Variants in ZNF408 observed in about 807,000 individuals in gnomAD.
ZNF408 encodes the protein PR domain zinc finger protein 17.
ZNF408 carries 24 observed loss-of-function variants against 27.6 expected under a neutral mutation model. The ratio of observed to expected loss-of-function variants is 0.87; its 90% CI spans 0.63 to 1.22. The LOEUF (loss-of-function observed/expected upper bound fraction) is 1.22, where lower values mean the gene tolerates loss of function less well. Among genes scored for constraint, ZNF408 ranks in the 50% most tolerant of loss-of-function variants. The probability of loss-of-function intolerance (pLI) is 0.00; values close to 1 mark genes in which losing one functional copy is unlikely to be tolerated. For missense variants in ZNF408, 897 were observed against 949.0 expected (o/e 0.95, Z 0.72); for synonymous variants, 410 against 396.1 (o/e 1.04, Z -0.42).
chr11:46,702,928 G>A, intron 3 of ZNF408, 56 bp from the exon 4 acceptor site: 4 of 1,604,294 alleles, frequency 2.5e-6, no homozygotes, highest in Non-Finnish European at 3.4e-6. Context: ...GGGGCTTTCG[G>A]GGAAGACCAC....
rs780281615 is a variant in ZNF408, at chr11:46,705,795, G to C, written c.2095G>C (p.Val699Leu). ...GGAGCCAGATGCCGCCCCCAGCCTG[G>C]TGCTAATCCATAAGGACATGGGCCT... ...PEEPDAAPSLVLIHKDMGLGA... is the reference protein window; with the variant it reads ...PEEPDAAPSLLLIHKDMGLGA... Residue 699 changes from valine to leucine, a missense_variant, in exon 5 of 5, where the codon GTG becomes CTG. Coordinates refer to ENST00000311764, the MANE Select transcript of ZNF408 (RefSeq NM_024741.3). The surrounding 1 kb of genome is among the most constrained non-coding windows in gnomAD (Gnocchi z 6.5). The C allele has an allele frequency of 1.9e-6, 3 of 1,611,928 alleles. No homozygotes were observed. Among genetic ancestry groups the C allele is most frequent in the East Asian group, 2.2e-5 (1 of 44,844 alleles).
rs1431842973 is a variant in ZNF408, at chr11:46,705,146, C to T, written c.1446C>T (p.Ser482=). 6.2e-7 allele frequency: 1 copy of T among 1,611,446 alleles called. No homozygotes were observed. Among genetic ancestry groups the T allele is most frequent in the Admixed American group, 1.7e-5 (1 of 60,032 alleles). ...VCGRPLANQG[S]LRNHMRLHTG... ...GGCGGCCCCTGGCCAACCAGGGCTCCCTGCGGAACCATATGAGGCTCCATA... is the reference window on the plus strand; with the variant it reads ...GGCGGCCCCTGGCCAACCAGGGCTCTCTGCGGAACCATATGAGGCTCCATA... Residue 482 remains serine (S), a synonymous_variant, in exon 5 of 5, where the codon TCC becomes TCT. Transcript: ENST00000311764. The surrounding 1 kb of genome is among the most constrained non-coding windows in gnomAD (Gnocchi z 6.5).
In ZNF408 at chr11:46,703,035, G is replaced by T. The variant is rs765372881; in HGVS notation, c.444G>T (p.Arg148=). ...GTGAGGGAAATGTGGCCCCAGTGCGGATCAGCGAGAGGCTTCATCTGCAAG... is the reference window on the plus strand; with the variant it reads ...GTGAGGGAAATGTGGCCCCAGTGCGTATCAGCGAGAGGCTTCATCTGCAAG... The part of the protein sequence containing the change: ...LESEGNVAPV[R]ISERLHLQVY... The change falls in exon 4 of 5, where the codon CGG becomes CGT. Residue 148 remains arginine, a synonymous_variant. Transcript: ENST00000311764. 1.2e-6 allele frequency: 2 copies of T among 1,613,996 alleles called. No homozygotes were observed. Among genetic ancestry groups the T allele is most frequent in the Non-Finnish European group, 1.7e-6 (2 of 1,179,884 alleles).
chr11:46,703,894 T>C (rs532432350), intron 4 of ZNF408, among the ~76,000 whole-genome samples: 1 of 150,750 alleles, frequency 6.6e-6, no homozygotes, highest in East Asian at 2.0e-4. Context: ...CAGCCTCAGC[T>C]AATTTTTTTG....
Position 46,702,863 on chromosome 11 carries a change from G to T in ZNF408, c.392+98G>T, listed in dbSNP as rs538795855. 23 of 1,597,622 alleles carry T rather than the reference G, an allele frequency of 1.4e-5. No individual in the cohort carries two copies. The East Asian group carries it at 5.2e-4, about 36-fold the overall frequency. On this transcript the variant is annotated intron_variant, in intron 3 of 4. Transcript: ENST00000311764. ...GTCATTTCCTATTCAGTGCTCTTTT[G>T]CAGTGAATGTTCCAAAGGCACGGCG...
At chr11:46,702,910 TG>T in intron 3 of ZNF408, 73 bp from the exon 4 acceptor site, 6 of 1,599,840 alleles carry the variant, frequency 3.8e-6, no homozygotes, top group Non-Finnish European at 5.1e-6. Flanking sequence ...CCAGACTGCT[TG>T]GGGACTGGGG....
intron 3 of ZNF408, 92 bp from the exon 4 acceptor site, chr11:46,702,892 T>A: frequency 6.3e-7 from 1 of 1,597,018 alleles, no homozygotes; most frequent in South Asian, 1.1e-5. Context: ...CACGGCGTCC[T>A]TTAGGACCCA....
At chr11:46,703,321 T>G in intron 4 of ZNF408, 78 bp downstream of exon 4, 1 of 1,502,076 alleles carries the variant, frequency 6.7e-7, no homozygotes, top group Non-Finnish European at 8.9e-7. Flanking sequence ...GCAGAGTTTA[T>G]GGCTCATTGC....
intron 4 of ZNF408, among the ~76,000 whole-genome samples, chr11:46,704,113 T>C (rs2064732010): frequency 6.6e-6 from 1 of 152,042 alleles, no homozygotes. Context: ...GGCCTTATTC[T>C]AGTGATTATC....
chr11:46,705,678 GACAC>G lies in ZNF408; in HGVS notation c.1984_1987del (p.His662GlufsTer38). 2 of 1,613,866 alleles carry G rather than the reference GACAC, an allele frequency of 1.2e-6. No homozygotes were observed. The highest frequency in any genetic ancestry group is 1.7e-6 in the Non-Finnish European group (2 of 1,179,986). The stretch of plus-strand genomic sequence containing the variant: ...CCTGCAGGCTGAGCCACAACTGCTG[GACAC>G]ACACAGAGAGGAGGAAGTCTCCCCC... On this transcript the variant is annotated frameshift_variant, in exon 5 of 5. Transcript: ENST00000311764. LOFTEE classifies it low-confidence loss of function (END_TRUNC). The surrounding 1 kb of genome is among the most constrained non-coding windows in gnomAD (Gnocchi z 6.5).
chr11:46,701,312 C>T (rs1287513324), intron 1 of ZNF408, 87 bp from the exon 2 acceptor site: 3 of 1,579,104 alleles, frequency 1.9e-6, no homozygotes, highest in African/African-American at 1.4e-5. Context: ...TCCGCAGGCC[C>T]ACCTGGACCT....
At position 46,705,608 on chromosome 11, in the gene ZNF408, C is replaced by T. The variant is rs767649147; in HGVS notation, c.1908C>T (p.Ser636=). ...QLSHRPEAPC[S]PPSVPSAASE... ...GTCACCGGCCTGAGGCACCCTGCAG[C>T]CCACCCTCTGTGCCTTCTGCTGCTT... Residue 636 remains serine (S), a synonymous_variant, in exon 5 of 5, where the codon AGC becomes AGT. Transcript: ENST00000311764. The surrounding 1 kb of genome is among the most constrained non-coding windows in gnomAD (Gnocchi z 6.5). 9 of 1,611,230 alleles carry T rather than the reference C, an allele frequency of 5.6e-6. No individual in the cohort carries two copies. The highest frequency in any genetic ancestry group is 6.8e-6 in the Non-Finnish European group (8 of 1,180,024).
In ZNF408 at chr11:46,705,119, T is replaced by C; in HGVS notation, c.1419T>C (p.Cys473=). ...AAPAPCPCPV[C]GRPLANQGSL... Reference sequence around the variant, plus strand: ...CTGCCCCTTGCCCATGCCCTGTGTGTGGGCGGCCCCTGGCCAACCAGGGCT... The same window carrying C: ...CTGCCCCTTGCCCATGCCCTGTGTGCGGGCGGCCCCTGGCCAACCAGGGCT... Residue 473 remains cysteine, a synonymous_variant, in exon 5 of 5, where the codon TGT becomes TGC. Coordinates refer to ENST00000311764, the MANE Select transcript of ZNF408 (RefSeq NM_024741.3). The surrounding 1 kb of genome is among the most constrained non-coding windows in gnomAD (Gnocchi z 6.5). 6.2e-7 allele frequency: 1 copy of C among 1,611,800 alleles called. No individual in the cohort carries two copies. Among genetic ancestry groups the C allele is most frequent in the Non-Finnish European group, 8.5e-7 (1 of 1,179,926 alleles).
At position 46,705,035 on chromosome 11, in the gene ZNF408, C is replaced by T. The variant is rs762021380; in HGVS notation, c.1335C>T (p.Ala445=). 3 of 1,613,094 alleles carry T rather than the reference C, an allele frequency of 1.9e-6. No individual in the cohort carries two copies. Among genetic ancestry groups the T allele is most frequent in the African/African-American group, 1.3e-5 (1 of 74,938 alleles). The change falls in exon 5 of 5, where the codon GCC becomes GCT. Residue 445 remains alanine (A), a synonymous_variant. Coordinates refer to ENST00000311764, the MANE Select transcript of ZNF408 (RefSeq NM_024741.3). This position sits in a 1 kb window ranked among gnomAD's most constrained non-coding sequence, Gnocchi z 6.5. ...RPFACDQCGK[A]FARRPSLRLH... ...TTGCTTGTGACCAGTGTGGCAAGGC[C>T]TTTGCCCGCCGGCCCTCCCTGCGGC...
At chr11:46,702,195 A>G (rs2064714247) in intron 2 of ZNF408, among the ~76,000 whole-genome samples, 1 of 152,172 alleles carries the variant, frequency 6.6e-6, no homozygotes, top group Non-Finnish European at 1.5e-5. Flanking sequence ...CCCAGGTTCA[A>G]GTGATTCTCA....
rs1445762496 is a variant in ZNF408, at chr11:46,704,809, A to G, written c.1109A>G (p.Lys370Arg). 6.3e-7 allele frequency: 1 copy of G among 1,599,868 alleles called. No individual in the cohort carries two copies. The highest frequency in any genetic ancestry group is 1.3e-5 in the African/African-American group (1 of 74,694). ...TTCCTACAGCTGTGCCACCTAAAGA[A>G]GCACGCATTTGTGCACACGGGCCAC... ...KAFLQLCHLK[K>R]HAFVHTGHKP... The change falls in exon 5 of 5, where the codon AAG becomes AGG. Residue 370 changes from lysine to arginine, a missense_variant. Transcript: ENST00000311764.
chr11:46,704,279 T>G lies in ZNF408; in HGVS notation c.653-74T>G, dbSNP rs879202643. ...CAGGGGCTGGGTGGGAGAAAACATC[T>G]GATCCTGTAATTCCCTGGTAACACC... On this transcript the variant is annotated intron_variant, in intron 4 of 4. Transcript: ENST00000311764. The G allele has an allele frequency of 2.7e-6, 4 of 1,481,362 alleles. No homozygotes were observed. The South Asian group carries it at 5.4e-5, about 20-fold the overall frequency. The allele number at this position is 1,481,362 out of a possible 1,614,324, so 91.8% of individuals were successfully genotyped here.
In ZNF408 at chr11:46,701,099, G is replaced by C. The variant is rs201062665; in HGVS notation, c.52G>C (p.Ala18Pro). ...GGAGGGGAAGAAGGCGCTGCAACTCGGTGAGTGACCTGCGATGTCCGCGAC... is the reference window on the plus strand; with the variant it reads ...GGAGGGGAAGAAGGCGCTGCAACTCCGTGAGTGACCTGCGATGTCCGCGAC... ...LLEGKKALQL[A>P]REPRLGLDLG... Residue 18 changes from alanine to proline, a missense_variant and splice_region_variant, in exon 1 of 5, where the codon GCC (alanine) becomes CCC (proline). Coordinates refer to ENST00000311764, the MANE Select transcript of ZNF408 (RefSeq NM_024741.3). 1.9e-6 allele frequency: 3 copies of C among 1,614,152 alleles called. No homozygotes were observed. The highest frequency in any genetic ancestry group is 1.1e-5 in the South Asian group (1 of 91,084).
chr11:46,703,755 G>GTTTTTTTTTT (rs1214759940), intron 4 of ZNF408, among the ~76,000 whole-genome samples: 5 of 110,192 alleles, frequency 4.5e-5, no homozygotes, highest in African/African-American at 1.6e-4. Context: ...TGTTGTTGTT[G>GTTTTTTTTTT]TTGTTGTTGT....
Sources: gnomAD v4.1 joint callset for allele counts (sites outside exome capture counted in the v4.1 genomes callset) on GRCh38, gnomAD v4.1.1 for gene constraint, Gnocchi (gnomAD v3.1) non-coding constraint, MANE v1.5 for transcripts, NCBI Gene and HGNC (gene_info 2026-07-23, HGNC 2026-07-21) for gene names.